The following ANTXR1 variants were observed in gnomAD, a reference collection of about 807,000 sequenced individuals.
The protein encoded by ANTXR1 is anthrax toxin receptor 1.
ANTXR1 carries 19 observed loss-of-function variants against 78.1 expected under a neutral mutation model. That is an observed-to-expected ratio of 0.24 (90% CI 0.17 to 0.36). The LOEUF (loss-of-function observed/expected upper bound fraction) is 0.36. ANTXR1 is among the 10% of genes least tolerant of loss of function. The pLI, the probability that ANTXR1 is intolerant of heterozygous loss-of-function variation, is 1.00. For missense variants in ANTXR1, 518 were observed against 718.6 expected, an observed-to-expected ratio of 0.72 and a Z score of 3.19; for synonymous variants, 273 against 260.5, an observed-to-expected ratio of 1.05 and a Z score of -0.46.
chr2:69,124,460 A>C, intron 11 of ANTXR1, 105 bp from the exon 12 acceptor site: 1 of 977,636 alleles, frequency 1.0e-6, no homozygotes, highest in Non-Finnish European at 1.7e-6. Context: ...TCCAGTCTCA[A>C]GGGTATTTAA....
At chr2:69,019,279 T>C (rs538546377) in intron 1 of ANTXR1, among the ~76,000 whole-genome samples, 37 of 152,354 alleles carry the variant, frequency 2.4e-4, no homozygotes, top group African/African-American at 8.4e-4. Flanking sequence ...CGTATAAGTC[T>C]TGTATATTTA....
chr2:69,136,616 G>A (rs1306856911), intron 12 of ANTXR1, among the ~76,000 whole-genome samples: 3 of 152,142 alleles, frequency 2.0e-5, no homozygotes, highest in Non-Finnish European at 4.4e-5. Flanking sequence ...CCAAAACTTG[G>A]AATGCAGCTA....
chr2:69,039,339 A>C (rs765178891), intron 1 of ANTXR1, among the ~76,000 whole-genome samples: 29 of 152,338 alleles, frequency 1.9e-4, no homozygotes, highest in Admixed American at 5.2e-4. Flanking sequence ...CCCCTTTCCA[A>C]ATCTAAAATC....
chr2:69,124,975 G>C (rs1199043135), intron 12 of ANTXR1, among the ~76,000 whole-genome samples: 1 of 152,170 alleles, frequency 6.6e-6, no homozygotes, highest in Non-Finnish European at 1.5e-5. Context: ...GGGTTTAGGA[G>C]AGAATGGACG....
At chr2:69,122,769 G>A (rs773402776) in intron 10 of ANTXR1, among the ~76,000 whole-genome samples, 23 of 150,944 alleles carry the variant, frequency 1.5e-4, no homozygotes, top group Non-Finnish European at 8.8e-5. Context: ...AACAGTCCCC[G>A]GTGTGTGATG....
rs1309783201 is a variant in ANTXR1, at chr2:69,181,777, T to G, written c.1090-9T>G. ...TTTGCTTCCTTCATGTGCCACAATT[T>G]CTCTGCAGGAAGAAGATGATGATGG... On this transcript the variant is annotated splice_polypyrimidine_tract_variant and intron_variant, in intron 14 of 17. Coordinates refer to ENST00000303714, the MANE Select transcript of ANTXR1 (RefSeq NM_032208.3). The G allele has an allele frequency of 6.2e-7, 1 of 1,613,796 alleles. No individual in the cohort carries two copies. Among genetic ancestry groups the G allele is most frequent in the Admixed American group, 1.7e-5 (1 of 59,986 alleles).
chr2:69,145,970 CT>C (rs1268957062), intron 12 of ANTXR1: 14 of 985,372 alleles, frequency 1.4e-5, no homozygotes, highest in Non-Finnish European at 1.7e-5. Context: ...GCCTTCTCGT[CT>C]TAAAAGAGAG....
intron 1 of ANTXR1, among the ~76,000 whole-genome samples, chr2:69,039,400 A>G (rs1473082597): frequency 6.6e-6 from 1 of 152,196 alleles, no homozygotes; most frequent in Non-Finnish European, 1.5e-5. Flanking sequence ...TGTCACTAAG[A>G]GGATTCCTTT....
intron 17 of ANTXR1, among the ~76,000 whole-genome samples, chr2:69,243,878 A>G (rs1001428668): frequency 6.6e-6 from 1 of 152,112 alleles, no homozygotes; most frequent in African/African-American, 2.4e-5. Context: ...CGCTGTGGGG[A>G]GCAATTCTGT....
chr2:69,127,907 G>T (rs1216473615), intron 12 of ANTXR1, among the ~76,000 whole-genome samples: 1 of 152,130 alleles, frequency 6.6e-6, no homozygotes, highest in Non-Finnish European at 1.5e-5. Flanking sequence ...GTTTTGCTGT[G>T]TACTGGTTAT....
At chr2:69,122,720 A>C (rs59992044) in intron 10 of ANTXR1, among the ~76,000 whole-genome samples, 8,194 of 152,058 alleles carry the variant, frequency 0.054, 736 homozygotes, top group African/African-American at 0.19. Context: ...CATTAGGTAT[A>C]TCTCCTAATG....
chr2:69,040,487 T>C (rs1376708385), intron 2 of ANTXR1, among the ~76,000 whole-genome samples: 1 of 152,126 alleles, frequency 6.6e-6, no homozygotes, highest in African/African-American at 2.4e-5. Flanking sequence ...GGATGAACAA[T>C]TCATCCCAGT....
chr2:69,072,575 T>C (rs541004686), intron 5 of ANTXR1, among the ~76,000 whole-genome samples: 1 of 152,336 alleles, frequency 6.6e-6, no homozygotes, highest in African/African-American at 2.4e-5. Context: ...AACTTGTAAA[T>C]CATGATGACT....
intron 3 of ANTXR1, among the ~76,000 whole-genome samples, chr2:69,057,578 G>A (rs1487816387): frequency 6.6e-6 from 1 of 152,144 alleles, no homozygotes; most frequent in Non-Finnish European, 1.5e-5. Flanking sequence ...ACAAATGTGT[G>A]TATTCTTACT....
chr2:69,193,086 G>A (rs767119950), intron 16 of ANTXR1, among the ~76,000 whole-genome samples: 4 of 152,068 alleles, frequency 2.6e-5, no homozygotes, highest in Non-Finnish European at 5.9e-5. Context: ...TGCAAACTTG[G>A]GGGGCACTCA....
At chr2:69,140,897 A>G (rs1471036695) in intron 12 of ANTXR1, among the ~76,000 whole-genome samples, 3 of 152,234 alleles carry the variant, frequency 2.0e-5, no homozygotes, top group South Asian at 2.1e-4. Context: ...GGAATCTACT[A>G]TCTTCAGTGT....
intron 14 of ANTXR1, among the ~76,000 whole-genome samples, chr2:69,179,580 C>G (rs1479988391): frequency 1.3e-5 from 2 of 151,168 alleles, no homozygotes; most frequent in African/African-American, 4.9e-5. Context: ...CAAAAATGAG[C>G]GTGTATTTGT....
rs541476684 is a variant in ANTXR1, at chr2:69,080,023, T to A, written c.642+2535T>A. On this transcript the variant is annotated intron_variant, in intron 8 of 17. Coordinates refer to ENST00000303714, the MANE Select transcript of ANTXR1 (RefSeq NM_032208.3). ...GATCTTTAAGAAATTTTAGCGAAAC[T>A]ATCGTTCAAAATAGAAAGAAAACTA... Among the ~76,000 whole-genome samples, 9 of 152,340 alleles carry A rather than the reference T, an allele frequency of 5.9e-5. No individual in the cohort carries two copies. The East Asian group carries it at 1.7e-3, about 29-fold the overall frequency.
chr2:69,182,477 A>G lies in ANTXR1; in HGVS notation c.1186-16A>G, dbSNP rs1307306200. ...ATATTTTGTCATTTCATTTCATTGT[A>G]TTTTGTTTATTTTAGGTTCGTTGGG... is the stretch of plus-strand genomic sequence containing the variant. On this transcript the variant is annotated splice_polypyrimidine_tract_variant and intron_variant, in intron 15 of 17. Transcript: ENST00000303714. The G allele has an allele frequency of 6.2e-7, 1 of 1,613,948 alleles. No homozygotes were observed. Among genetic ancestry groups the G allele is most frequent in the Non-Finnish European group, 8.5e-7 (1 of 1,179,948 alleles).
Sources: gnomAD v4.1 joint callset for allele counts (sites outside exome capture counted in the v4.1 genomes callset) on GRCh38, gnomAD v4.1.1 for gene constraint, MANE v1.5 for transcripts, NCBI Gene and HGNC (gene_info 2026-07-23, HGNC 2026-07-21) for gene names.